TMEM132D: variants seen among roughly 807,000 people sequenced by gnomAD.
TMEM132D encodes mature OL transmembrane protein.
In TMEM132D, 21 loss-of-function variants were observed where a neutral mutation model predicts 62.3. The observed-to-expected ratio is 0.34, with a 90% confidence interval of 0.24 to 0.49. The LOEUF is 0.49. Among genes scored for constraint, TMEM132D ranks in the 20% least tolerant of loss-of-function variants. TMEM132D has a pLI of 0.99. For missense variants in TMEM132D, 1,346 were observed against 1,402.8 expected, an observed-to-expected ratio of 0.96 and a Z score of 0.65; for synonymous variants, 621 against 575.6, an observed-to-expected ratio of 1.08 and a Z score of -1.13.
At chr12:129,781,071 G>C (rs1871105948) in intron 1 of TMEM132D, among the ~76,000 whole-genome samples, 1 of 152,176 alleles carries the variant, frequency 6.6e-6, no homozygotes, top group African/African-American at 2.4e-5. Context: ...TGAATGACAA[G>C]GAGTTATGCC....
rs374660034 is a variant in TMEM132D at position 129,501,126 on chromosome 12, G to A, written c.1115+29933C>T. On this transcript the variant is annotated intron_variant, in intron 3 of 8. Coordinates refer to ENST00000422113, the MANE Select transcript of TMEM132D (RefSeq NM_133448.3). ...GATTTATTCCCAGGCTATAGAAAAAGGTGCAAAATGAAATAAAGCTTCTAG... is the reference window on the plus strand; with the variant it reads ...GATTTATTCCCAGGCTATAGAAAAAAGTGCAAAATGAAATAAAGCTTCTAG... Among the ~76,000 whole-genome samples the A allele has an allele frequency of 3.9e-5, 6 of 152,168 alleles. No individual in the cohort carries two copies. In the East Asian group the frequency reaches 9.6e-4, roughly 24 times the overall value.
intron 2 of TMEM132D, among the ~76,000 whole-genome samples, chr12:129,581,952 T>C (rs1877876005): frequency 6.6e-6 from 1 of 152,200 alleles, no homozygotes; most frequent in South Asian, 2.1e-4. Flanking sequence ...GATTTGCAAG[T>C]CATCCCATTT....
chr12:129,762,860 C>T (rs1216920782), intron 1 of TMEM132D, among the ~76,000 whole-genome samples: 1 of 152,170 alleles, frequency 6.6e-6, no homozygotes. Flanking sequence ...CGTGCAAACT[C>T]GCTAGGGTGG....
chr12:129,847,663 C>T (rs1175417256), intron 1 of TMEM132D, among the ~76,000 whole-genome samples: 3 of 152,134 alleles, frequency 2.0e-5, no homozygotes, highest in African/African-American at 4.8e-5. Flanking sequence ...GTGAGGTCTA[C>T]GTCCTTGCTC....
chr12:129,901,038 G>C (rs1265400920), intron 1 of TMEM132D, among the ~76,000 whole-genome samples: 3 of 152,102 alleles, frequency 2.0e-5, no homozygotes, highest in Admixed American at 6.5e-5. Flanking sequence ...TCTGCCCTTT[G>C]TTTCATTCAA....
At chr12:129,208,652 G>A in intron 5 of TMEM132D, 1 of 152,198 alleles carries the variant, frequency 6.6e-6, no homozygotes, top group Non-Finnish European at 1.5e-5. Flanking sequence ...GGACTCATAT[G>A]GAGGGAGTCT....
rs539403771 is a variant in TMEM132D, at chr12:129,759,078, T to A, written c.80-58380A>T. On this transcript the variant is annotated intron_variant, in intron 1 of 8. Transcript: ENST00000422113. ...TCTCCCCAGTAGCTGGGATTACAGGTGTGCATCATCATGCCTGGCTAATTT... is the reference window on the plus strand; with the variant it reads ...TCTCCCCAGTAGCTGGGATTACAGGAGTGCATCATCATGCCTGGCTAATTT... 3.3e-5 allele frequency among the ~76,000 whole-genome samples: 5 copies of A among 152,094 alleles called. No homozygotes were observed. The East Asian group carries it at 9.7e-4, about 29-fold the overall frequency.
At chr12:129,639,535 G>C (rs1191562643) in intron 2 of TMEM132D, among the ~76,000 whole-genome samples, 1 of 151,846 alleles carries the variant, frequency 6.6e-6, no homozygotes, top group Non-Finnish European at 1.5e-5. Context: ...GTTCTGTCCA[G>C]CTAAGTGTCC....
intron 1 of TMEM132D, among the ~76,000 whole-genome samples, chr12:129,702,680 A>G (rs1056019832): frequency 2.0e-5 from 3 of 152,120 alleles, no homozygotes; most frequent in African/African-American, 4.8e-5. Context: ...GTGATTCTCT[A>G]TGCACTCCAG....
intron 3 of TMEM132D, among the ~76,000 whole-genome samples, chr12:129,431,843 C>T (rs1872662612): frequency 6.6e-6 from 1 of 152,144 alleles, no homozygotes; most frequent in Admixed American, 6.5e-5. Context: ...TCTTCTGCAC[C>T]CTCCCACTGG....
chr12:129,437,993 G>T (rs1168650370), intron 3 of TMEM132D, among the ~76,000 whole-genome samples: 1 of 148,752 alleles, frequency 6.7e-6, no homozygotes, highest in Admixed American at 6.9e-5. Flanking sequence ...TGCAGTGTTT[G>T]GTTTTCTGTT....
At chr12:129,774,941 G>A (rs752032880) in intron 1 of TMEM132D, among the ~76,000 whole-genome samples, 4 of 152,224 alleles carry the variant, frequency 2.6e-5, no homozygotes, top group Admixed American at 6.5e-5. Context: ...CAACCTCACA[G>A]AAGTGTGAGG....
At chr12:129,536,395 G>C (rs1183961712) in intron 2 of TMEM132D, among the ~76,000 whole-genome samples, 1 of 141,890 alleles carries the variant, frequency 7.0e-6, no homozygotes, top group African/African-American at 2.5e-5. Flanking sequence ...AATAGTGACA[G>C]AGCATAAAAT....
At chr12:129,115,871 A>G (rs1219167119) in intron 5 of TMEM132D, among the ~76,000 whole-genome samples, 1 of 152,256 alleles carries the variant, frequency 6.6e-6, no homozygotes, top group Non-Finnish European at 1.5e-5. Context: ...GGTGGTGGCC[A>G]CATCTCCCCT....
At chr12:129,734,694 T>A (rs1486133638) in intron 1 of TMEM132D, among the ~76,000 whole-genome samples, 4 of 152,210 alleles carry the variant, frequency 2.6e-5, no homozygotes, top group South Asian at 2.1e-4. Flanking sequence ...TTAATTAATT[T>A]AAAAAATTAA....
intron 3 of TMEM132D, among the ~76,000 whole-genome samples, chr12:129,442,748 T>C (rs566588667): frequency 6.6e-6 from 1 of 152,230 alleles, no homozygotes; most frequent in South Asian, 2.1e-4. Flanking sequence ...TTGGGTAAGA[T>C]TGGATATAGC....
intron 1 of TMEM132D, among the ~76,000 whole-genome samples, chr12:129,745,803 G>C (rs1869757662): frequency 6.6e-6 from 1 of 152,150 alleles, no homozygotes; most frequent in Non-Finnish European, 1.5e-5. Context: ...TAAATAAATG[G>C]AGGAACCAAC....
At chr12:129,391,344 G>A (rs572671801) in intron 3 of TMEM132D, among the ~76,000 whole-genome samples, 9 of 152,366 alleles carry the variant, frequency 5.9e-5, no homozygotes, top group African/African-American at 2.2e-4. Context: ...GGCAGAGAAA[G>A]AGACACATGG....
chr12:129,412,070 A>G (rs529508339), intron 3 of TMEM132D, among the ~76,000 whole-genome samples: 1 of 152,344 alleles, frequency 6.6e-6, no homozygotes, highest in South Asian at 2.1e-4. Flanking sequence ...TTAGAATGTT[A>G]GAACAATTAG....
Sources: gnomAD v4.1 joint callset for allele counts (sites outside exome capture counted in the v4.1 genomes callset) on GRCh38, gnomAD v4.1.1 for gene constraint, MANE v1.5 for transcripts, NCBI Gene and HGNC (gene_info 2026-07-23, HGNC 2026-07-21) for gene names.